The following REXO4 variants were observed in gnomAD, a reference collection of about 807,000 sequenced individuals.
The protein encoded by REXO4 is REX4 homolog, 3'-5' exonuclease.
A neutral mutation model predicts 39.9 loss-of-function variants in REXO4; 29 were observed. The ratio of observed to expected loss-of-function variants is 0.73; its 90% CI spans 0.54 to 0.99. The LOEUF is 0.99. REXO4 is among the 50% of genes least tolerant of loss of function. The pLI is 0.00. For synonymous variants in REXO4, 184 were observed against 206.2 expected (o/e 0.89, Z 0.92); for missense variants, 524 against 546.5 (o/e 0.96, Z 0.41).
intron 2 of REXO4, among the ~76,000 whole-genome samples, chr9:133,413,245 C>T (rs1004106617): frequency 2.6e-5 from 4 of 151,948 alleles, no homozygotes; most frequent in African/African-American, 9.7e-5. Flanking sequence ...ATTTTACAGG[C>T]GCCCACTGCC....
intron 5 of REXO4, among the ~76,000 whole-genome samples, chr9:133,410,179 G>A (rs1231942620): frequency 6.6e-6 from 1 of 152,192 alleles, no homozygotes; most frequent in Non-Finnish European, 1.5e-5. Context: ...ACGGCTTCAA[G>A]TTCCTCACCA....
At chr9:133,407,194 C>A in intron 7 of REXO4, 122 bp from the exon 8 acceptor site, 1 of 1,484,214 alleles carries the variant, frequency 6.7e-7, no homozygotes, top group South Asian at 1.2e-5. Flanking sequence ...AGACATGGAC[C>A]TGGCCACGAG....
chr9:133,407,697 A>G (rs1379320953), intron 7 of REXO4, 110 bp downstream of exon 7: 6 of 731,890 alleles, frequency 8.2e-6, no homozygotes, highest in Non-Finnish European at 1.3e-5. Context: ...TCGTAGGATA[A>G]GTAGGTGCCC....
rs1554779492 is a variant in REXO4, at chr9:133,408,813, C to A, written c.1029G>T (p.Lys343Asn). The change falls in exon 6 of 8, where the codon AAG becomes AAT. Residue 343 changes from lysine to asparagine, a missense_variant. Physicochemically the swap from Lys to Asn is moderately conservative, Grantham distance 94. Coordinates refer to ENST00000371942, the MANE Select transcript of REXO4 (RefSeq NM_020385.4). The stretch of plus-strand genomic sequence containing the variant: ...GTTTATATTTCTGTGTGTCCCGAAT[C>A]TTCTTTTTTGGATGATCAAGAAATA... Reference protein sequence around the residue: ...KVLFLDHPKKKIRDTQKYKPF... With the variant: ...KVLFLDHPKKNIRDTQKYKPF... The A allele has an allele frequency of 4.4e-6, 7 of 1,597,284 alleles. No homozygotes were observed. In the South Asian group the frequency reaches 7.7e-5, roughly 18 times the overall value.
rs1159341735 is a variant in REXO4, at chr9:133,406,895, C to T, written c.*58G>A. On this transcript the variant is annotated 3_prime_UTR_variant, in exon 8 of 8. Coordinates refer to ENST00000371942, the MANE Select transcript of REXO4 (RefSeq NM_020385.4). ...CCACTCTGGGGAGATGTGATCTGTCCCTGTGACTGGTCACATTGCCTCTGT... is the reference window on the plus strand; with the variant it reads ...CCACTCTGGGGAGATGTGATCTGTCTCTGTGACTGGTCACATTGCCTCTGT... 2.5e-6 allele frequency: 4 copies of T among 1,601,536 alleles called. No individual in the cohort carries two copies. Among genetic ancestry groups the T allele is most frequent in the Non-Finnish European group, 2.5e-6 (3 of 1,179,162 alleles).
At chr9:133,408,948 G>GTGTGTC in intron 5 of REXO4, 106 bp from the exon 6 acceptor site, 1 of 451,500 alleles carries the variant, frequency 2.2e-6, no homozygotes, top group East Asian at 3.6e-5. Context: ...GTGTGTGTGT[G>GTGTGTC]TGTGTGTGTG....
At chr9:133,408,905 C>T (rs369474836) in intron 5 of REXO4, 63 bp from the exon 6 acceptor site, 5 of 923,928 alleles carry the variant, frequency 5.4e-6, no homozygotes, top group African/African-American at 3.4e-5. Context: ...AGAACCCCCT[C>T]CCCCCGCCAC....
At position 133,417,927 on chromosome 9, in the gene REXO4, T is replaced by C. The variant is rs963442137; in HGVS notation, c.-83A>G. 7 of 1,354,876 alleles carry C rather than the reference T, an allele frequency of 5.2e-6. No individual in the cohort carries two copies. In the African/African-American group the frequency reaches 1.0e-4, roughly 20 times the overall value. The allele number at this position is 1,354,876 out of a possible 1,614,324, so 83.9% of individuals were successfully genotyped here. The stretch of plus-strand genomic sequence containing the variant: ...CCGGCGCCCTGGCAGCACAAGCGCC[T>C]GCCCAGGCCAGGCCGAAACACACCC... On this transcript the variant is annotated 5_prime_UTR_variant, in exon 1 of 8. Coordinates refer to ENST00000371942, the MANE Select transcript of REXO4 (RefSeq NM_020385.4).
intron 7 of REXO4, 83 bp downstream of exon 7, chr9:133,407,724 A>T: frequency 1.9e-6 from 2 of 1,076,854 alleles, no homozygotes; most frequent in Non-Finnish European, 2.8e-6. Flanking sequence ...CACCTCCCCC[A>T]TGTCTGTGTC....
At chr9:133,407,515 G>A (rs1023856505) in intron 7 of REXO4, among the ~76,000 whole-genome samples, 1 of 152,150 alleles carries the variant, frequency 6.6e-6, no homozygotes, top group African/African-American at 2.4e-5. Context: ...GGGCAGGGCT[G>A]GAGGGCTGCG....
chr9:133,407,917 A>G (rs782673024), intron 6 of REXO4, 36 bp from the exon 7 acceptor site: 1 of 1,552,516 alleles, frequency 6.4e-7, no homozygotes, highest in South Asian at 1.1e-5. Context: ...GGGCCTCTGC[A>G]GGCTCGGCCC....
In REXO4 at chr9:133,406,303, C is replaced by T. The variant is rs1838871438; in HGVS notation, c.*650G>A. On this transcript the variant is annotated 3_prime_UTR_variant, in exon 8 of 8. Coordinates refer to ENST00000371942, the MANE Select transcript of REXO4 (RefSeq NM_020385.4). ...CAAGGTTGGCATGTCTGCCGACCTC[C>T]AGGAATAACCGCAGTCACCGTGCCC... 6.6e-6 allele frequency: 1 copy of T among 152,490 alleles called. No homozygotes were observed. Among genetic ancestry groups the T allele is most frequent in the Non-Finnish European group, 1.5e-5 (1 of 68,212 alleles). 9.4% of individuals were successfully genotyped at this position (152,490 alleles called of 1,614,324 possible).
At chr9:133,408,017 A>C (rs1179458878) in intron 6 of REXO4, 136 bp from the exon 7 acceptor site, 2 of 638,142 alleles carry the variant, frequency 3.1e-6, no homozygotes, top group African/African-American at 1.8e-5. Context: ...AGAGGTGCTC[A>C]TGGCACTTAG....
At chr9:133,408,094 A>C (rs587756101) in intron 6 of REXO4, among the ~76,000 whole-genome samples, 1 of 152,282 alleles carries the variant, frequency 6.6e-6, no homozygotes, top group Admixed American at 6.5e-5. Context: ...AGCCAATAAA[A>C]GGAGAGGGCC....
intron 5 of REXO4, among the ~76,000 whole-genome samples, chr9:133,409,503 T>C (rs587599823): frequency 6.6e-6 from 1 of 152,346 alleles, no homozygotes; most frequent in African/African-American, 2.4e-5. Flanking sequence ...GTTCTACACA[T>C]CAGGAAGTTG....
intron 4 of REXO4, among the ~76,000 whole-genome samples, chr9:133,411,979 C>G (rs1307510072): frequency 6.6e-6 from 1 of 152,028 alleles, no homozygotes; most frequent in Non-Finnish European, 1.5e-5. Flanking sequence ...GTTGTCCAGG[C>G]TGGACTTGAA....
At chr9:133,412,722 C>T in intron 3 of REXO4, 56 bp downstream of exon 3, 7 of 1,594,204 alleles carry the variant, frequency 4.4e-6, no homozygotes, top group Non-Finnish European at 6.0e-6. Context: ...TTGAAGAAGC[C>T]CCGCCCTCCA....
In REXO4 at chr9:133,406,800, A is replaced by C. The variant is rs1838899132; in HGVS notation, c.*153T>G. On this transcript the variant is annotated 3_prime_UTR_variant, in exon 8 of 8. Coordinates refer to ENST00000371942, the MANE Select transcript of REXO4 (RefSeq NM_020385.4). ...GTTTCAGACCACAAAGTCAAGAGGA[A>C]GGAGGACCTTCTCAGTAGCACCACG... is the stretch of plus-strand genomic sequence containing the variant. 2 of 1,105,840 alleles carry C rather than the reference A, an allele frequency of 1.8e-6. No homozygotes were observed. Among genetic ancestry groups the C allele is most frequent in the Non-Finnish European group, 1.3e-6 (1 of 771,412 alleles). The allele number at this position is 1,105,840 out of a possible 1,614,324, so 68.5% of individuals were successfully genotyped here. A position where few individuals can be genotyped will look rare whatever the true frequency, so the allele number is the denominator to read the frequency against.
Position 133,414,986 on chromosome 9 carries a change from G to A in REXO4, c.251C>T (p.Ala84Val), listed in dbSNP as rs1462506368. 1.3e-5 allele frequency: 20 copies of A among 1,583,672 alleles called. No individual in the cohort carries two copies. Among genetic ancestry groups the A allele is most frequent in the Non-Finnish European group, 1.7e-5 (20 of 1,170,986 alleles). ...QEWLLKQKSQ[A>V]PEKPLVISQM... ...AGAGATGACAAGAGGCTTTTCTGGG[G>A]CCTGAGATTTTTGTTTCAGCAGCCA... Residue 84 changes from alanine (A) to valine (V), a missense_variant, in exon 2 of 8, where the codon GCC becomes GTC. Ala to Val is a moderately conservative substitution (Grantham distance 64). Coordinates refer to ENST00000371942, the MANE Select transcript of REXO4 (RefSeq NM_020385.4).
Sources: gnomAD v4.1 joint callset for allele counts (sites outside exome capture counted in the v4.1 genomes callset) on GRCh38, gnomAD v4.1.1 for gene constraint, MANE v1.5 for transcripts, NCBI Gene and HGNC (gene_info 2026-07-23, HGNC 2026-07-21) for gene names.